The following UBE2E2 variants were observed in gnomAD, a reference collection of about 807,000 sequenced individuals.
UBE2E2 encodes ubiquitin-conjugating enzyme E2 E2.
UBE2E2 carries 6 observed loss-of-function variants against 24.7 expected under a neutral mutation model. The ratio of observed to expected loss-of-function variants is 0.24; its 90% CI spans 0.13 to 0.48. UBE2E2 has a LOEUF of 0.48. Among genes scored for constraint, UBE2E2 ranks in the 20% least tolerant of loss-of-function variants. The pLI is 0.99. For missense variants in UBE2E2, 169 were observed against 245.0 expected (o/e 0.69, Z 2.07); for synonymous variants, 104 against 83.6 (o/e 1.24, Z -1.33).
chr3:23,440,167 G>A (rs948997714), intron 3 of UBE2E2, among the ~76,000 whole-genome samples: 21 of 152,038 alleles, frequency 1.4e-4, no homozygotes, highest in African/African-American at 4.6e-4. Context: ...CCAGCTACTC[G>A]GAGGGCTGAC....
In UBE2E2 at chr3:23,414,213, C is replaced by A. The variant is rs145208575; in HGVS notation, c.228-85395C>A. Among the ~76,000 whole-genome samples the A allele has an allele frequency of 1.4e-3, 214 of 152,304 alleles. 2 individuals are homozygous for A. Among genetic ancestry groups the A allele is most frequent in the Non-Finnish European group, 2.9e-3 (194 of 68,018 alleles). Reference sequence around the variant, plus strand: ...TTTATAAATCCTGTAATTAACCTTACAGAGAACCATATTGGTCCATTTTTT... The same window carrying A: ...TTTATAAATCCTGTAATTAACCTTAAAGAGAACCATATTGGTCCATTTTTT... On this transcript the variant is annotated intron_variant, in intron 3 of 5. Coordinates refer to ENST00000396703, the MANE Select transcript of UBE2E2 (RefSeq NM_152653.4).
chr3:23,291,876 T>TTG lies in UBE2E2; in HGVS notation c.227+74564_227+74565insTG, dbSNP rs1698775986. ...TTTTTTTTTTTTTTTTTTTTTTTTT[T>TTG]GAGACAGAGTCTCGCTCTTTGGCCC... On this transcript the variant is annotated intron_variant, in intron 3 of 5. Coordinates refer to ENST00000396703, the MANE Select transcript of UBE2E2 (RefSeq NM_152653.4). 1.6e-5 allele frequency among the ~76,000 whole-genome samples: 2 copies of TTG among 124,068 alleles called. 1 individual carries two copies. Among genetic ancestry groups the TTG allele is most frequent in the African/African-American group, 5.7e-5 (2 of 34,950 alleles). The allele number at this position is 124,068 out of a possible 152,430, so 81.4% of individuals were successfully genotyped here.
At chr3:23,293,785 T>C (rs1485559710) in intron 3 of UBE2E2, among the ~76,000 whole-genome samples, 1 of 152,222 alleles carries the variant, frequency 6.6e-6, no homozygotes, top group Non-Finnish European at 1.5e-5. Context: ...AGATATACTT[T>C]CATTTTTCTT....
At chr3:23,381,078 G>A (rs1379942707) in intron 3 of UBE2E2, among the ~76,000 whole-genome samples, 1 of 152,068 alleles carries the variant, frequency 6.6e-6, no homozygotes, top group African/African-American at 2.4e-5. Flanking sequence ...ACTGGAAAGG[G>A]CACTTTATTT....
chr3:23,450,067 CA>C (rs1698528294), intron 3 of UBE2E2: 1 of 286,506 alleles, frequency 3.5e-6, no homozygotes, highest in Non-Finnish European at 5.2e-6. Context: ...GGGAATTGGC[CA>C]GGCCGTCTTC....
At chr3:23,273,471 C>G (rs1023258601) in intron 3 of UBE2E2, among the ~76,000 whole-genome samples, 1 of 149,948 alleles carries the variant, frequency 6.7e-6, no homozygotes, top group Non-Finnish European at 1.5e-5. Flanking sequence ...GTGGAGCTTG[C>G]AGTGAGCCGA....
At chr3:23,566,985 C>T (rs865911448) in intron 5 of UBE2E2, among the ~76,000 whole-genome samples, 1 of 152,198 alleles carries the variant, frequency 6.6e-6, no homozygotes, top group East Asian at 1.9e-4. Flanking sequence ...GTGTCCCAAG[C>T]TCAAGAAAGT....
At chr3:23,485,181 A>G (rs1223641928) in intron 3 of UBE2E2, among the ~76,000 whole-genome samples, 1 of 136,154 alleles carries the variant, frequency 7.3e-6, no homozygotes, top group Non-Finnish European at 1.5e-5. Flanking sequence ...TGCAACCTCC[A>G]CCTCCAGGGT....
chr3:23,332,476 T>C (rs574336321), intron 3 of UBE2E2, among the ~76,000 whole-genome samples: 5 of 152,232 alleles, frequency 3.3e-5, no homozygotes, highest in African/African-American at 1.2e-4. Flanking sequence ...ATTATTAAAA[T>C]AAAGATAAAT....
chr3:23,347,902 T>G (rs1287346706), intron 3 of UBE2E2, among the ~76,000 whole-genome samples: 1 of 152,104 alleles, frequency 6.6e-6, no homozygotes, highest in Non-Finnish European at 1.5e-5. Context: ...GATGACCTAA[T>G]ATCTGGAACA....
In UBE2E2 at chr3:23,313,017, G is replaced by T. The variant is rs545479003; in HGVS notation, c.227+95705G>T. Among the ~76,000 whole-genome samples the T allele has an allele frequency of 5.8e-4, 89 of 152,162 alleles. No homozygotes were observed. In the South Asian group the frequency reaches 0.018, roughly 30 times the overall value. The stretch of plus-strand genomic sequence containing the variant: ...AGAATTGTTTTGTGGCCTTACATAT[G>T]TTCTGTTCTTGAGAATGATTCATGT... On this transcript the variant is annotated intron_variant, in intron 3 of 5. Coordinates refer to ENST00000396703, the MANE Select transcript of UBE2E2 (RefSeq NM_152653.4).
At chr3:23,309,087 G>C (rs899502660) in intron 3 of UBE2E2, among the ~76,000 whole-genome samples, 1 of 152,228 alleles carries the variant, frequency 6.6e-6, no homozygotes, top group African/African-American at 2.4e-5. Flanking sequence ...ATGGGCAACT[G>C]TTCTAGTTCC....
At chr3:23,233,433 AG>A (rs1697022408) in intron 3 of UBE2E2, among the ~76,000 whole-genome samples, 1 of 152,198 alleles carries the variant, frequency 6.6e-6, no homozygotes, top group Non-Finnish European at 1.5e-5. Context: ...GCATTTTAAG[AG>A]GGGGTGAACA....
At chr3:23,418,956 CTTTT>C (rs11399749) in intron 3 of UBE2E2, among the ~76,000 whole-genome samples, 1 of 141,404 alleles carries the variant, frequency 7.1e-6, no homozygotes, top group Non-Finnish European at 1.5e-5. Context: ...ACAAATGTTA[CTTTT>C]TTTTTTTTTT....
intron 4 of UBE2E2, among the ~76,000 whole-genome samples, chr3:23,508,460 A>G (rs185784037): frequency 1.9e-4 from 29 of 152,310 alleles, no homozygotes; most frequent in Middle Eastern, 3.4e-3. Flanking sequence ...CTAGCTTTCT[A>G]TAGTCTAATG....
At chr3:23,208,650 T>C (rs1210771704) in intron 1 of UBE2E2, 42 bp from the exon 2 acceptor site, 6 of 1,512,898 alleles carry the variant, frequency 4.0e-6, no homozygotes, top group Non-Finnish European at 5.4e-6. Context: ...GGTAGCTTAC[T>C]GTAGTACAGC....
chr3:23,282,362 T>C (rs997291483), intron 3 of UBE2E2, among the ~76,000 whole-genome samples: 1 of 152,238 alleles, frequency 6.6e-6, no homozygotes, highest in Non-Finnish European at 1.5e-5. Context: ...TCTTACCTGC[T>C]AATAAAATTG....
intron 5 of UBE2E2, among the ~76,000 whole-genome samples, chr3:23,551,374 A>G (rs544188363): frequency 6.6e-6 from 1 of 152,372 alleles, no homozygotes; most frequent in South Asian, 2.1e-4. Context: ...GAATGCTTTA[A>G]GAATTGACCA....
chr3:23,572,032 G>C (rs193226761), intron 5 of UBE2E2, among the ~76,000 whole-genome samples: 12 of 152,344 alleles, frequency 7.9e-5, no homozygotes, highest in African/African-American at 2.6e-4. Context: ...ATTTGGGATA[G>C]TTAATACCTC....
Sources: gnomAD v4.1 joint callset for allele counts (sites outside exome capture counted in the v4.1 genomes callset) on GRCh38, gnomAD v4.1.1 for gene constraint, MANE v1.5 for transcripts, NCBI Gene and HGNC (gene_info 2026-07-23, HGNC 2026-07-21) for gene names.